CDKL3: variants seen among roughly 807,000 people sequenced by gnomAD.
CDKL3 encodes the protein cyclin dependent kinase like 3.
Under a neutral mutation model 69.3 loss-of-function variants are expected in CDKL3, and 65 were observed. The observed-to-expected ratio is 0.94, with a 90% CI of 0.77 to 1.15. CDKL3 has a LOEUF of 1.15. Ranked by LOEUF, CDKL3 falls within the 50% of genes most tolerant of loss-of-function variation. The pLI is 0.00. For missense variants in CDKL3, 652 were observed against 689.2 expected, an observed-to-expected ratio of 0.95 and a Z score of 0.61; for synonymous variants, 202 against 221.6, an observed-to-expected ratio of 0.91 and a Z score of 0.79.
At chr5:134,312,687 G>T (rs2149458426) in intron 6 of CDKL3, among the ~76,000 whole-genome samples, 1 of 152,318 alleles carries the variant, frequency 6.6e-6, no homozygotes, top group South Asian at 2.1e-4. Context: ...TTTCTGCCCT[G>T]ACAGGTGGAA....
chr5:134,339,885 C>A (rs770713017), intron 4 of CDKL3, among the ~76,000 whole-genome samples: 2 of 152,128 alleles, frequency 1.3e-5, no homozygotes, highest in African/African-American at 2.4e-5. Flanking sequence ...CACAGTAGCT[C>A]ATTCCTTTAA....
At position 134,350,418 on chromosome 5, in the gene CDKL3, G is replaced by C. The variant is rs759583636; in HGVS notation, c.370C>G (p.Arg124Gly). ...AAAATATTCTCAGGTTTTATATCTCGATGAATGATCTAAAAAACAAACAGA... is the reference window on the plus strand; with the variant it reads ...AAAATATTCTCAGGTTTTATATCTCCATGAATGATCTAAAAAACAAACAGA... ...DYLHSNNIIH[R>G]DIKPENILVS... Residue 124 changes from arginine to glycine, a missense_variant, in exon 4 of 13, where the codon CGA (arginine) becomes GGA (glycine). Physicochemically the swap from Arg to Gly is moderately radical, Grantham distance 125. Coordinates refer to ENST00000265334, the MANE Select transcript of CDKL3 (RefSeq NM_001113575.2). 6.5e-7 allele frequency: 1 copy of C among 1,541,646 alleles called. No individual in the cohort carries two copies. The highest frequency in any genetic ancestry group is 8.8e-7 in the Non-Finnish European group (1 of 1,138,326).
At chr5:134,319,183 T>G in intron 6 of CDKL3, 175 bp downstream of exon 6, 1 of 448,302 alleles carries the variant, frequency 2.2e-6, no homozygotes, top group Non-Finnish European at 3.8e-6. Context: ...ATACAAAAAT[T>G]AGCCGGGCAT....
At chr5:134,299,716 T>C (rs1198161751) in intron 12 of CDKL3, 2 of 1,534,760 alleles carry the variant, frequency 1.3e-6, no homozygotes, top group Non-Finnish European at 1.7e-6. Flanking sequence ...ATCTGGCAAG[T>C]TCTTCTTCCT....
chr5:134,291,279 G>A (rs1765113594), intron 8 of CDKL3, among the ~76,000 whole-genome samples: 1 of 152,216 alleles, frequency 6.6e-6, no homozygotes, highest in South Asian at 2.1e-4. Context: ...GTTTGTGGGT[G>A]AAGTCCAGGC....
Position 134,331,031 on chromosome 5 carries a change from C to T in CDKL3, c.540-9128G>A, listed in dbSNP as rs376378428. Among the ~76,000 whole-genome samples, 5 of 152,180 alleles carry T rather than the reference C, an allele frequency of 3.3e-5. No individual in the cohort carries two copies. The East Asian group carries it at 7.7e-4, about 23-fold the overall frequency. On this transcript the variant is annotated intron_variant, in intron 4 of 12. Coordinates refer to ENST00000265334, the MANE Select transcript of CDKL3 (RefSeq NM_001113575.2). ...AAATTTCCATTGAAAGTTCTGCTCT[C>T]GTCTGCAGCTGATCTGGTTGCAACG...
chr5:134,343,642 G>A (rs1220409796), intron 4 of CDKL3, among the ~76,000 whole-genome samples: 1 of 152,130 alleles, frequency 6.6e-6, no homozygotes, highest in Non-Finnish European at 1.5e-5. Flanking sequence ...TGCAAACCCT[G>A]TACTTGATGG....
intron 3 of CDKL3, among the ~76,000 whole-genome samples, chr5:134,351,830 T>C (rs1440740677): frequency 1.3e-5 from 2 of 152,350 alleles, no homozygotes; most frequent in Non-Finnish European, 2.9e-5. Context: ...CATGTTGTTT[T>C]AAAATATGTA....
At chr5:134,324,934 G>A (rs972326166) in intron 4 of CDKL3, among the ~76,000 whole-genome samples, 1 of 152,214 alleles carries the variant, frequency 6.6e-6, no homozygotes, top group African/African-American at 2.4e-5. Context: ...GGAGTAGGGT[G>A]GAGGGGACAT....
At chr5:134,327,952 G>A (rs1388600219) in intron 4 of CDKL3, among the ~76,000 whole-genome samples, 2 of 152,130 alleles carry the variant, frequency 1.3e-5, no homozygotes, top group Non-Finnish European at 2.9e-5. Flanking sequence ...GTGTGGGTTG[G>A]GGGGCTGGGG....
upstream of CDKL3, chr5:134,367,484 C>G (rs1434623594): frequency 2.7e-5 from 21 of 782,986 alleles, no homozygotes; most frequent in East Asian, 2.2e-3. Context: ...AGTGATTTTC[C>G]TGCCTCAGCC....
chr5:134,346,799 A>G (rs1581151500), intron 4 of CDKL3, among the ~76,000 whole-genome samples: 1 of 152,118 alleles, frequency 6.6e-6, no homozygotes, highest in African/African-American at 2.4e-5. Flanking sequence ...CCCAGCCGGG[A>G]AAAGGTATTA....
At chr5:134,357,818 C>G (rs1754996082) in intron 3 of CDKL3, among the ~76,000 whole-genome samples, 1 of 152,194 alleles carries the variant, frequency 6.6e-6, no homozygotes, top group African/African-American at 2.4e-5. Flanking sequence ...ATTGTCACAA[C>G]AGCTACCTGT....
chr5:134,350,017 G>A (rs1400509076), intron 4 of CDKL3, among the ~76,000 whole-genome samples: 8 of 151,976 alleles, frequency 5.3e-5, no homozygotes, highest in Non-Finnish European at 1.0e-4. Context: ...GTGAAACCCC[G>A]TCTCTACTAA....
At chr5:134,327,894 C>T (rs911195232) in intron 4 of CDKL3, among the ~76,000 whole-genome samples, 12 of 152,126 alleles carry the variant, frequency 7.9e-5, no homozygotes, top group African/African-American at 2.9e-4. Flanking sequence ...TGAGCCTACC[C>T]AAAGCTGTGC....
intron 4 of CDKL3, among the ~76,000 whole-genome samples, chr5:134,345,749 G>A (rs1751701814): frequency 6.6e-6 from 1 of 152,162 alleles, no homozygotes; most frequent in South Asian, 2.1e-4. Flanking sequence ...GTTAAGGCAG[G>A]AACAGGCCAT....
chr5:134,359,860 A>G (rs1469665800), intron 3 of CDKL3, 37 bp downstream of exon 3: 2 of 1,345,700 alleles, frequency 1.5e-6, no homozygotes, highest in Non-Finnish European at 2.0e-6. Context: ...TATGATTCAT[A>G]TTCATCCTAC....
intron 4 of CDKL3, among the ~76,000 whole-genome samples, chr5:134,347,903 G>A (rs1353605619): frequency 1.3e-5 from 2 of 152,094 alleles, no homozygotes; most frequent in Non-Finnish European, 2.9e-5. Flanking sequence ...AGTGGGTACA[G>A]GGTTTCGTTT....
chr5:134,317,137 T>C (rs1771308278), intron 6 of CDKL3, among the ~76,000 whole-genome samples: 1 of 152,176 alleles, frequency 6.6e-6, no homozygotes, highest in African/African-American at 2.4e-5. Flanking sequence ...CTTATGCTTT[T>C]ATTTTTATTT....
Sources: allele counts gnomAD v4.1 joint callset (sites outside exome capture counted in the v4.1 genomes callset), GRCh38; gene constraint gnomAD v4.1.1; transcripts MANE v1.5; gene names NCBI Gene and HGNC (gene_info 2026-07-23, HGNC 2026-07-21).